The following LAMC2 variants were observed in gnomAD, a reference collection of about 807,000 sequenced individuals.
LAMC2 encodes the protein laminin subunit gamma-2.
Under a neutral mutation model 140.2 loss-of-function variants are expected in LAMC2, and 97 were observed. The observed-to-expected ratio is 0.69, with a 90% CI of 0.59 to 0.82. LAMC2 has a LOEUF of 0.82. Ranked by LOEUF, LAMC2 falls within the 40% of genes least tolerant of loss-of-function variation. LAMC2 has a pLI of 0.00. For missense variants in LAMC2, 1,402 were observed against 1,476.1 expected, an observed-to-expected ratio of 0.95 and a Z score of 0.82; for synonymous variants, 513 against 540.2, an observed-to-expected ratio of 0.95 and a Z score of 0.70.
downstream of LAMC2, among the ~76,000 whole-genome samples, chr1:183,245,620 T>C (rs1374444816): frequency 6.6e-6 from 1 of 152,206 alleles, no homozygotes; most frequent in Non-Finnish European, 1.5e-5. Context: ...TCACGTGCCA[T>C]GGTCCAAAAC....
intron 1 of LAMC2, among the ~76,000 whole-genome samples, chr1:183,202,770 A>G (rs534061806): frequency 4.7e-4 from 72 of 152,250 alleles, no homozygotes; most frequent in African/African-American, 1.7e-3. Flanking sequence ...TCTTGATATT[A>G]CTTATTTATC....
intron 4 of LAMC2, 40 bp downstream of exon 4, chr1:183,218,528 C>T (rs1250770165): frequency 7.1e-7 from 1 of 1,405,098 alleles, no homozygotes; most frequent in Non-Finnish European, 1.0e-6. Flanking sequence ...CAGAGAGAGT[C>T]CCTTGCCAAC....
At chr1:183,205,616 G>A (rs1372131462) in intron 1 of LAMC2, among the ~76,000 whole-genome samples, 1 of 152,174 alleles carries the variant, frequency 6.6e-6, no homozygotes, top group Non-Finnish European at 1.5e-5. Flanking sequence ...TTATGACATA[G>A]GAAGTGGTTG....
chr1:183,252,598 C>T, the LAMC2 span: 4 of 1,339,982 alleles, frequency 3.0e-6, no homozygotes, highest in African/African-American at 5.7e-5. Context: ...AGGGGGCTGA[C>T]AAAGATGGAG....
chr1:183,238,302 T>C lies in LAMC2; in HGVS notation c.2755-5T>C. On this transcript the variant is annotated splice_polypyrimidine_tract_variant and splice_region_variant and intron_variant, in intron 18 of 22. Coordinates refer to ENST00000264144, the MANE Select transcript of LAMC2 (RefSeq NM_005562.3). ...TCTAATCTTGTTCTATCTGCCTTTT[T>C]ACAGAAATCAGATCAGCTGCTTTCC... 6.2e-7 allele frequency: 1 copy of C among 1,609,850 alleles called. No individual in the cohort carries two copies. The highest frequency in any genetic ancestry group is 8.5e-7 in the Non-Finnish European group (1 of 1,176,186).
rs1659714743 is a variant in LAMC2 at position 183,228,870 on chromosome 1, C to T, written c.1714+251C>T. ...GGAGAAGTGAAAAAGGTCAGGTTTACATTCCTACGCGGAAAAGGATGTAAC... is the reference window on the plus strand; with the variant it reads ...GGAGAAGTGAAAAAGGTCAGGTTTATATTCCTACGCGGAAAAGGATGTAAC... On this transcript the variant is annotated intron_variant, in intron 11 of 22. Coordinates refer to ENST00000264144, the MANE Select transcript of LAMC2 (RefSeq NM_005562.3). The surrounding 1 kb of genome is among the most constrained non-coding windows in gnomAD (Gnocchi z 4.3). 6.6e-6 allele frequency among the ~76,000 whole-genome samples: 1 copy of T among 152,186 alleles called. No individual in the cohort carries two copies. The highest frequency in any genetic ancestry group is 2.4e-5 in the African/African-American group (1 of 41,458).
chr1:183,222,217 T>G lies in LAMC2; in HGVS notation c.763+6T>G. The stretch of plus-strand genomic sequence containing the variant: ...TGTCTATTTTGTGGCTCCTGGTATG[T>G]GAGGAATAATGTCTCCTATAGAGGC... On this transcript the variant is annotated splice_donor_region_variant and intron_variant, in intron 6 of 22. Coordinates refer to ENST00000264144, the MANE Select transcript of LAMC2 (RefSeq NM_005562.3). 6.2e-7 allele frequency: 1 copy of G among 1,613,796 alleles called. No homozygotes were observed. The highest frequency in any genetic ancestry group is 8.5e-7 in the Non-Finnish European group (1 of 1,179,748).
At chr1:183,208,159 G>A (rs1658956728) in intron 2 of LAMC2, 90 bp downstream of exon 2, 1 of 1,214,746 alleles carries the variant, frequency 8.2e-7, no homozygotes. Flanking sequence ...AGAAGGAAGG[G>A]AACAACGGAG....
the LAMC2 span, among the ~76,000 whole-genome samples, chr1:183,258,886 C>A: frequency 6.6e-6 from 1 of 152,158 alleles, no homozygotes; most frequent in Non-Finnish European, 1.5e-5. Flanking sequence ...GCTTCCCCAA[C>A]CCATGAAGTT....
chr1:183,200,138 C>A (rs912208758), intron 1 of LAMC2, among the ~76,000 whole-genome samples: 1 of 152,162 alleles, frequency 6.6e-6, no homozygotes, highest in African/African-American at 2.4e-5. Flanking sequence ...GGCCTGTAAT[C>A]CCAGCACTTT....
At chr1:183,192,235 C>T (rs1458968434) in intron 1 of LAMC2, among the ~76,000 whole-genome samples, 3 of 152,166 alleles carry the variant, frequency 2.0e-5, no homozygotes, top group Non-Finnish European at 4.4e-5. Context: ...TGCACTTATT[C>T]AGGGCTTATA....
In LAMC2 at chr1:183,227,665, T is replaced by C. The variant is rs1372045880; in HGVS notation, c.1436T>C (p.Val479Ala). 5 of 1,613,772 alleles carry C rather than the reference T, an allele frequency of 3.1e-6. No homozygotes were observed. The highest frequency in any genetic ancestry group is 4.2e-6 in the Non-Finnish European group (5 of 1,179,994). The change falls in exon 10 of 23, where the codon GTG becomes GCG. Residue 479 changes from valine (V) to alanine (A), a missense_variant. This residue lies in a region of LAMC2 where 723 missense variants were observed against 783.3 expected (regional missense o/e 0.92). Transcript: ENST00000264144. The part of the protein sequence containing the change: ...SCSVMPETEE[V>A]VCNNCPPGVT... ...TCAGTGATGCCGGAGACGGAGGAGG[T>C]GGTGTGCAATAACTGCCCTCCCGGG...
chr1:183,252,421 C>A, the LAMC2 span: 5 of 411,152 alleles, frequency 1.2e-5, no homozygotes, highest in East Asian at 5.0e-5. Flanking sequence ...CCCATTCCCT[C>A]ACCCACCCCC....
At chr1:183,192,330 A>G (rs1658364792) in intron 1 of LAMC2, among the ~76,000 whole-genome samples, 1 of 152,232 alleles carries the variant, frequency 6.6e-6, no homozygotes, top group Admixed American at 6.5e-5. Context: ...CAGCCAAATC[A>G]TTTCCCACAA....
chr1:183,223,369 T>G (rs756830667), intron 7 of LAMC2, 45 bp downstream of exon 7: 2 of 1,558,574 alleles, frequency 1.3e-6, no homozygotes, highest in Non-Finnish European at 1.8e-6. Context: ...CAAACTATGA[T>G]TGAAGTTCAA....
chr1:183,254,981 A>G, the LAMC2 span, among the ~76,000 whole-genome samples: 2 of 152,240 alleles, frequency 1.3e-5, no homozygotes, highest in East Asian at 1.9e-4. Flanking sequence ...CATCCAAGAC[A>G]TAATTGCCAA....
Position 183,220,858 on chromosome 1 carries a change from G to T in LAMC2, c.537G>T (p.Gly179=). Reference sequence around the variant, plus strand: ...CAGGTTACTATAATCTGGATGGGGGGAACCCTGAGGGCTGTACCCAGTGTT... The same window carrying T: ...CAGGTTACTATAATCTGGATGGGGGTAACCCTGAGGGCTGTACCCAGTGTT... The part of the protein sequence containing the change: ...CRSGYYNLDG[G]NPEGCTQCFC... The change falls in exon 5 of 23, where the codon GGG becomes GGT. Residue 179 remains glycine, a synonymous_variant. Coordinates refer to ENST00000264144, the MANE Select transcript of LAMC2 (RefSeq NM_005562.3). 6.2e-7 allele frequency: 1 copy of T among 1,613,786 alleles called. No homozygotes were observed. The highest frequency in any genetic ancestry group is 1.1e-5 in the South Asian group (1 of 91,060).
At chr1:183,212,798 T>C (rs910286843) in intron 2 of LAMC2, among the ~76,000 whole-genome samples, 1 of 152,208 alleles carries the variant, frequency 6.6e-6, no homozygotes. Context: ...CCTCCTCCTG[T>C]TTTCCCTGGT....
chr1:183,200,987 C>A (rs967138548), intron 1 of LAMC2, among the ~76,000 whole-genome samples: 1 of 152,200 alleles, frequency 6.6e-6, no homozygotes, highest in African/African-American at 2.4e-5. Context: ...CTGTGAAAAT[C>A]TGACTCAAAT....
Sources: gnomAD v4.1 joint callset for allele counts (sites outside exome capture counted in the v4.1 genomes callset) on GRCh38, gnomAD v4.1.1 for gene constraint, gnomAD v4.1.1 regional missense constraint, Gnocchi (gnomAD v3.1) non-coding constraint, MANE v1.5 for transcripts, NCBI Gene and HGNC (gene_info 2026-07-23, HGNC 2026-07-21) for gene names.